CSMD1: variants seen among roughly 807,000 people sequenced by gnomAD.
The protein encoded by CSMD1 is CUB and sushi domain-containing protein 1.
In CSMD1, 213 loss-of-function variants were observed where a neutral mutation model predicts 417.5. The observed-to-expected ratio is 0.51, with a 90% CI of 0.46 to 0.57. The LOEUF (loss-of-function observed/expected upper bound fraction) is 0.57, where lower values mean the gene tolerates loss of function less well. CSMD1 is among the 20% of genes least tolerant of loss of function. CSMD1 has a pLI of 0.00. For missense variants in CSMD1, 6,923 were observed against 4,529.7 expected, an observed-to-expected ratio of 1.53 and a Z score of -15.17; for synonymous variants, 2,862 against 1,736.8, an observed-to-expected ratio of 1.65 and a Z score of -16.11.
chr8:3,072,327 T>C (rs189086056), intron 49 of CSMD1, among the ~76,000 whole-genome samples: 2 of 152,310 alleles, frequency 1.3e-5, no homozygotes, highest in Non-Finnish European at 2.9e-5. Context: ...ACAAAACAAA[T>C]GCTCTGAATT....
At chr8:3,506,514 T>A (rs997510487) in intron 10 of CSMD1, among the ~76,000 whole-genome samples, 1 of 152,176 alleles carries the variant, frequency 6.6e-6, no homozygotes, top group Non-Finnish European at 1.5e-5. Flanking sequence ...TAATGCTCTA[T>A]GGAGCAGCAG....
intron 25 of CSMD1, among the ~76,000 whole-genome samples, chr8:3,300,784 C>G (rs771676154): frequency 1.3e-5 from 2 of 150,780 alleles, no homozygotes; most frequent in South Asian, 4.2e-4. Context: ...GGCGAAACCC[C>G]GTGTCTACTA....
chr8:4,499,361 C>T (rs569140047), intron 2 of CSMD1, among the ~76,000 whole-genome samples: 107 of 152,222 alleles, frequency 7.0e-4, no homozygotes, highest in African/African-American at 2.5e-3. Flanking sequence ...CTTCCTGGTA[C>T]AATACAAGCA....
intron 4 of CSMD1, among the ~76,000 whole-genome samples, chr8:4,007,493 C>T (rs1055852561): frequency 6.6e-6 from 1 of 152,126 alleles, no homozygotes; most frequent in African/African-American, 2.4e-5. Flanking sequence ...TTCCTGCCCG[C>T]CCTCTCTGGC....
At chr8:4,153,136 T>C (rs184432184) in intron 3 of CSMD1, among the ~76,000 whole-genome samples, 1 of 152,198 alleles carries the variant, frequency 6.6e-6, no homozygotes, top group South Asian at 2.1e-4. Context: ...TTGTATTGAA[T>C]ACTGAATCTT....
chr8:4,710,207 G>T (rs188064404), intron 1 of CSMD1, among the ~76,000 whole-genome samples: 1 of 151,422 alleles, frequency 6.6e-6, no homozygotes, highest in Non-Finnish European at 1.5e-5. Context: ...ATATATATAC[G>T]TATCTTCAGT....
intron 4 of CSMD1, among the ~76,000 whole-genome samples, chr8:4,004,924 T>C (rs530075420): frequency 1.3e-5 from 2 of 152,082 alleles, no homozygotes; most frequent in Non-Finnish European, 2.9e-5. Context: ...TTTTGTATTT[T>C]TAGTAGAGAC....
intron 7 of CSMD1, among the ~76,000 whole-genome samples, chr8:3,669,738 G>T (rs1349026752): frequency 6.6e-6 from 1 of 152,052 alleles, no homozygotes. Flanking sequence ...GAGGACAGGG[G>T]CCCTGACCTG....
chr8:4,476,514 T>G (rs1008227311), intron 2 of CSMD1, among the ~76,000 whole-genome samples: 1 of 152,202 alleles, frequency 6.6e-6, no homozygotes, highest in Non-Finnish European at 1.5e-5. Flanking sequence ...ATCACTACTT[T>G]TCGGAGTTCT....
At chr8:3,518,377 T>C (rs370411842) in intron 10 of CSMD1, among the ~76,000 whole-genome samples, 4 of 152,176 alleles carry the variant, frequency 2.6e-5, no homozygotes, top group African/African-American at 4.8e-5. Context: ...AACCATTTAA[T>C]TGTAAATATT....
rs920400026 is a variant in CSMD1, at chr8:3,812,797, A to T, written c.819-58755T>A. ...GTCAATGTATAGTAGCTATTGAATT[A>T]ACTGTCTTTCCTTTGAGGTTGCTAG... is the stretch of plus-strand genomic sequence containing the variant. On this transcript the variant is annotated intron_variant, in intron 5 of 69. Transcript: ENST00000635120. 2.6e-5 allele frequency among the ~76,000 whole-genome samples: 4 copies of T among 152,212 alleles called. No individual in the cohort carries two copies. The South Asian group carries it at 8.3e-4, about 31-fold the overall frequency.
intron 1 of CSMD1, among the ~76,000 whole-genome samples, chr8:4,799,156 T>C (rs1247414697): frequency 6.6e-6 from 1 of 152,104 alleles, no homozygotes; most frequent in Non-Finnish European, 1.5e-5. Context: ...AGAGATGTGC[T>C]TACATAAAGT....
At chr8:3,991,144 C>G (rs1814715270) in intron 5 of CSMD1, among the ~76,000 whole-genome samples, 1 of 152,220 alleles carries the variant, frequency 6.6e-6, no homozygotes, top group Non-Finnish European at 1.5e-5. Context: ...ATTGGCCCCA[C>G]AGTAGACATT....
chr8:3,441,846 T>TA (rs35312725), intron 12 of CSMD1, among the ~76,000 whole-genome samples: 5 of 151,336 alleles, frequency 3.3e-5, no homozygotes, highest in Non-Finnish European at 7.4e-5. Flanking sequence ...ATACTTACAT[T>TA]AAAAAAAAAT....
At chr8:4,544,212 C>T (rs964012002) in intron 2 of CSMD1, among the ~76,000 whole-genome samples, 6 of 152,222 alleles carry the variant, frequency 3.9e-5, no homozygotes, top group African/African-American at 1.4e-4. Context: ...TCTGAGTTTC[C>T]TCCTTTGTCA....
chr8:4,505,694 G>C (rs375121698), intron 2 of CSMD1, among the ~76,000 whole-genome samples: 412 of 152,214 alleles, frequency 2.7e-3, no homozygotes, highest in African/African-American at 9.6e-3. Flanking sequence ...AGTTCTAAGA[G>C]CTTTCATTTC....
intron 1 of CSMD1, among the ~76,000 whole-genome samples, chr8:4,754,412 G>T (rs943937128): frequency 4.6e-5 from 7 of 152,074 alleles, no homozygotes; most frequent in African/African-American, 1.7e-4. Flanking sequence ...TCCCAACTGG[G>T]TCACATACAA....
At chr8:4,500,088 T>G (rs1652556) in intron 2 of CSMD1, among the ~76,000 whole-genome samples, 120,583 of 150,532 alleles carry the variant, frequency 0.8, 48,293 homozygotes, top group East Asian at 0.85. Flanking sequence ...GAAGTTATAC[T>G]AGGTGAAAAG....
At chr8:4,453,244 C>CAG (rs1554483343) in intron 2 of CSMD1, among the ~76,000 whole-genome samples, 2 of 147,700 alleles carry the variant, frequency 1.4e-5, no homozygotes, top group Admixed American at 6.7e-5. Flanking sequence ...CACACACACA[C>CAG]TGAACCTCCT....
Sources: allele counts gnomAD v4.1 joint callset (sites outside exome capture counted in the v4.1 genomes callset), GRCh38; gene constraint gnomAD v4.1.1; transcripts MANE v1.5; gene names NCBI Gene and HGNC (gene_info 2026-07-23, HGNC 2026-07-21).